The following HLTF variants were observed in gnomAD, a reference collection of about 807,000 sequenced individuals.
HLTF encodes the protein helicase like transcription factor.
A neutral mutation model predicts 129.4 loss-of-function variants in HLTF; 127 were observed. The observed-to-expected ratio is 0.98, with a 90% CI of 0.85 to 1.14. The LOEUF is 1.14. Among genes scored for constraint, HLTF ranks in the 50% most tolerant of loss-of-function variants. The pLI is 0.00. For synonymous variants in HLTF, 332 were observed against 388.8 expected (o/e 0.85, Z 1.72); for missense variants, 1,139 against 1,187.1 (o/e 0.96, Z 0.60).
chr3:149,066,436 T>A (rs1405184813), intron 8 of HLTF, among the ~76,000 whole-genome samples: 1 of 152,170 alleles, frequency 6.6e-6, no homozygotes, highest in Non-Finnish European at 1.5e-5. Context: ...CCAAGCTGGA[T>A]GAAATAATAG....
chr3:149,050,968 A>C (rs1425223764), intron 14 of HLTF, among the ~76,000 whole-genome samples: 1 of 152,064 alleles, frequency 6.6e-6, no homozygotes, highest in Non-Finnish European at 1.5e-5. Flanking sequence ...TTTTCAGCAG[A>C]AAAAAATAGT....
At chr3:149,064,767 G>C in intron 9 of HLTF, 24 bp downstream of exon 9, 1 of 1,364,946 alleles carries the variant, frequency 7.3e-7, no homozygotes, top group Non-Finnish European at 1.0e-6. Flanking sequence ...TCAAATATTG[G>C]ATCATTTCAA....
Position 149,041,651 on chromosome 3 carries a change from C to T in HLTF, c.2215G>A (p.Glu739Lys), listed in dbSNP as rs761660478. The change falls in exon 20 of 25, where the codon GAA (glutamate) becomes AAA (lysine). Residue 739 changes from glutamate to lysine, a missense_variant. Glu to Lys is a moderately conservative substitution (Grantham distance 56, BLOSUM62 1). Coordinates refer to ENST00000310053, the MANE Select transcript of HLTF (RefSeq NM_003071.4). Reference sequence around the variant, plus strand: ...TTCCTTATTAACTTCTTTCTCAGTTCTTCAGGTGTATCATTTCCTAGAGAA... The same window carrying T: ...TTCCTTATTAACTTCTTTCTCAGTTTTTCAGGTGTATCATTTCCTAGAGAA... The part of the protein sequence containing the change: ...NGPSGNDTPE[E>K]LRKKLIRKMK... The T allele has an allele frequency of 1.9e-6, 3 of 1,610,188 alleles. No individual in the cohort carries two copies. The highest frequency in any genetic ancestry group is 2.5e-6 in the Non-Finnish European group (3 of 1,177,284).
chr3:149,065,668 A>C (rs1362085790), intron 8 of HLTF, among the ~76,000 whole-genome samples: 1 of 152,038 alleles, frequency 6.6e-6, no homozygotes, highest in South Asian at 2.1e-4. Context: ...TGTCTCTACT[A>C]AATAGACACA....
intron 24 of HLTF, among the ~76,000 whole-genome samples, chr3:149,033,033 A>G (rs1715266656): frequency 6.6e-6 from 1 of 151,970 alleles, no homozygotes; most frequent in Non-Finnish European, 1.5e-5. Context: ...TCACAACACT[A>G]ACAAAGAGAA....
At chr3:149,036,091 C>T (rs1198073011) in intron 23 of HLTF, among the ~76,000 whole-genome samples, 1 of 151,146 alleles carries the variant, frequency 6.6e-6, no homozygotes, top group East Asian at 2.0e-4. Context: ...GCCGAGATCG[C>T]GCCACTGCAC....
chr3:149,059,597 T>G lies in HLTF; in HGVS notation c.1375+121A>C, dbSNP rs528635632. 1.6e-4 allele frequency: 101 copies of G among 635,724 alleles called. No individual in the cohort carries two copies. The African/African-American group carries it at 1.7e-3, about 11-fold the overall frequency. The allele number at this position is 635,724 out of a possible 1,614,324, so 39.4% of individuals were successfully genotyped here. A position where few individuals can be genotyped will look rare whatever the true frequency, so the allele number is the denominator to read the frequency against. ...TGTTCTTTTAATGGGTTATATACTTTAAAAAATAGTCTCTATTTTCTAAAC... is the reference window on the plus strand; with the variant it reads ...TGTTCTTTTAATGGGTTATATACTTGAAAAAATAGTCTCTATTTTCTAAAC... On this transcript the variant is annotated intron_variant, in intron 13 of 24. Transcript: ENST00000310053.
intron 14 of HLTF, among the ~76,000 whole-genome samples, chr3:149,050,654 T>C (rs987558683): frequency 2.6e-5 from 4 of 152,226 alleles, no homozygotes; most frequent in Admixed American, 1.3e-4. Context: ...TAATGAGTTT[T>C]ATAAAAATAT....
At chr3:149,075,290 T>C (rs953982912) in intron 3 of HLTF, among the ~76,000 whole-genome samples, 2 of 152,228 alleles carry the variant, frequency 1.3e-5, no homozygotes, top group Non-Finnish European at 2.9e-5. Flanking sequence ...GGCTCACGCC[T>C]GTAATCCCAG....
chr3:149,081,855 C>T (rs919415150), intron 2 of HLTF, among the ~76,000 whole-genome samples: 2 of 152,090 alleles, frequency 1.3e-5, no homozygotes, highest in Non-Finnish European at 2.9e-5. Flanking sequence ...TGTGTTCCTC[C>T]AATTCAAAAT....
rs1716538894 is a variant in HLTF, at chr3:149,046,207, T to G, written c.1945A>C (p.Lys649Gln). The change falls in exon 18 of 25, where the codon AAA becomes CAA. Residue 649 changes from lysine (K) to glutamine (Q), a missense_variant. Coordinates refer to ENST00000310053, the MANE Select transcript of HLTF (RefSeq NM_003071.4). ...TCCAAAACAGGTTTTCCTTTAATTT[T>G]GCTTGTCTTTGTTCTTCTAAGTGTA... ...NITLRRTKTS[K>Q]IKGKPVLELP... The G allele has an allele frequency of 6.2e-7, 1 of 1,605,394 alleles. No individual in the cohort carries two copies. The highest frequency in any genetic ancestry group is 1.3e-5 in the African/African-American group (1 of 74,814).
At chr3:149,047,056 C>T (rs1716604574) in intron 17 of HLTF, among the ~76,000 whole-genome samples, 1 of 152,146 alleles carries the variant, frequency 6.6e-6, no homozygotes, top group Non-Finnish European at 1.5e-5. Flanking sequence ...ATAATACTTA[C>T]TATGTATCAT....
In HLTF at chr3:149,086,324, A is replaced by T. The variant is rs1388257797; in HGVS notation, c.13T>A (p.Phe5Ile). The change falls in exon 1 of 25, where the codon TTC (phenylalanine) becomes ATC (isoleucine). Residue 5 changes from phenylalanine (F) to isoleucine (I), a missense_variant. Transcript: ENST00000310053. MSWMFKRDPVWKYLQ... is the reference protein window; with the variant it reads MSWMIKRDPVWKYLQ... ...CCCCTCCGCCCCCTTCACCTCTTGA[A>T]CATCCAGGACATGGCGCTGAGTGGG... 6.2e-7 allele frequency: 1 copy of T among 1,601,492 alleles called. No individual in the cohort carries two copies. The highest frequency in any genetic ancestry group is 2.3e-5 in the East Asian group (1 of 44,390).
chr3:149,071,650 G>T lies in HLTF; in HGVS notation c.635C>A (p.Thr212Lys). Residue 212 changes from threonine (T) to lysine (K), a missense_variant, in exon 6 of 25, where the codon ACA (threonine) becomes AAA (lysine). Thr to Lys is a moderately conservative substitution (Grantham distance 78, BLOSUM62 -1). Coordinates refer to ENST00000310053, the MANE Select transcript of HLTF (RefSeq NM_003071.4). Reference protein sequence around the residue: ...AVQMTTEQLKTEFDKLFEDLK... With the variant: ...AVQMTTEQLKKEFDKLFEDLK... ...ATCTTCAAACAATTTGTCAAATTCT[G>T]TTTTAAGCTACAATAAACAGCAACA... The T allele has an allele frequency of 6.4e-7, 1 of 1,558,796 alleles. No homozygotes were observed. Among genetic ancestry groups the T allele is most frequent in the Non-Finnish European group, 8.8e-7 (1 of 1,136,514 alleles).
chr3:149,075,287 G>T (rs1377994477), intron 3 of HLTF, among the ~76,000 whole-genome samples: 1 of 152,134 alleles, frequency 6.6e-6, no homozygotes, highest in Non-Finnish European at 1.5e-5. Flanking sequence ...GGTGGCTCAC[G>T]CCTGTAATCC....
chr3:149,055,884 C>T (rs544371125), intron 13 of HLTF, among the ~76,000 whole-genome samples: 4 of 152,160 alleles, frequency 2.6e-5, no homozygotes, highest in Admixed American at 6.6e-5. Flanking sequence ...AAGAAGTTTC[C>T]GTATTGGGTG....
At chr3:149,084,993 A>G in intron 1 of HLTF, 104 bp from the exon 2 acceptor site, 2 of 777,594 alleles carry the variant, frequency 2.6e-6, no homozygotes, top group Non-Finnish European at 4.2e-6. Context: ...GAAATCTTAC[A>G]TGGGAATCAC....
At position 149,082,184 on chromosome 3, in the gene HLTF, C is replaced by T. The variant is rs373371361; in HGVS notation, c.228+2498G>A. 5.3e-5 allele frequency among the ~76,000 whole-genome samples: 8 copies of T among 152,270 alleles called. No individual in the cohort carries two copies. The East Asian group carries it at 1.2e-3, about 22-fold the overall frequency. On this transcript the variant is annotated intron_variant, in intron 2 of 24. Transcript: ENST00000310053. ...GTGATAGAAGACTTGTGTGGCCGGG[C>T]GCAGTGGCTCACACCTGTAATCCCA...
At chr3:149,083,941 A>T (rs1384569856) in intron 2 of HLTF, among the ~76,000 whole-genome samples, 2 of 151,616 alleles carry the variant, frequency 1.3e-5, no homozygotes, top group Non-Finnish European at 2.9e-5. Context: ...AAAAAAAAAA[A>T]TCCAATTCAC....
Sources: gnomAD v4.1 joint callset for allele counts (sites outside exome capture counted in the v4.1 genomes callset) on GRCh38, gnomAD v4.1.1 for gene constraint, MANE v1.5 for transcripts, NCBI Gene and HGNC (gene_info 2026-07-23, HGNC 2026-07-21) for gene names.